ATXN1: variants seen among roughly 807,000 people sequenced by gnomAD.
ATXN1 encodes ataxin 1.
Under a neutral mutation model 56.4 loss-of-function variants are expected in ATXN1, and 8 were observed. The observed-to-expected ratio is 0.14, with a 90% CI of 0.08 to 0.26. ATXN1 has a LOEUF of 0.26. Among genes scored for constraint, ATXN1 ranks in the 10% least tolerant of loss-of-function variants. The probability of loss-of-function intolerance (pLI) is 1.00; values close to 1 mark genes in which losing one functional copy is unlikely to be tolerated. For missense variants in ATXN1, 987 were observed against 1,106.5 expected (o/e 0.89, Z 1.53); for synonymous variants, 514 against 494.6 (o/e 1.04, Z -0.52).
intron 3 of ATXN1, among the ~76,000 whole-genome samples, chr6:16,593,145 A>T (rs146477448): frequency 1.4e-3 from 218 of 152,256 alleles, no homozygotes; most frequent in Non-Finnish European, 2.6e-3. Flanking sequence ...GCATTTTATA[A>T]TACCCTTGGA....
At chr6:16,355,394 C>T (rs1407179590) in intron 6 of ATXN1, among the ~76,000 whole-genome samples, 1 of 152,184 alleles carries the variant, frequency 6.6e-6, no homozygotes, top group Admixed American at 6.5e-5. Context: ...TGACAGGTGA[C>T]TCATCTGCCA....
At chr6:16,545,836 T>C (rs368251767) in intron 4 of ATXN1, among the ~76,000 whole-genome samples, 3 of 152,380 alleles carry the variant, frequency 2.0e-5, no homozygotes, top group African/African-American at 7.2e-5. Flanking sequence ...GTATGTATAA[T>C]TAGCTGAGAT....
intron 3 of ATXN1, among the ~76,000 whole-genome samples, chr6:16,628,881 G>A (rs1394310866): frequency 6.6e-5 from 10 of 152,116 alleles, no homozygotes; most frequent in Admixed American, 6.5e-4. Context: ...GGGCATTTAG[G>A]TTGATTCTGT....
chr6:16,628,119 G>A (rs960460723), intron 3 of ATXN1, among the ~76,000 whole-genome samples: 8 of 152,252 alleles, frequency 5.3e-5, no homozygotes, highest in African/African-American at 1.4e-4. Context: ...TACAGCCTCC[G>A]TACAGATCCA....
At chr6:16,460,738 T>C (rs1759976202) in intron 6 of ATXN1, among the ~76,000 whole-genome samples, 1 of 152,158 alleles carries the variant, frequency 6.6e-6, no homozygotes, top group African/African-American at 2.4e-5. Context: ...TATATACCGA[T>C]GGAAGTTCAT....
chr6:16,350,439 T>G lies in ATXN1; in HGVS notation c.-160-21969A>C, dbSNP rs570510873. On this transcript the variant is annotated intron_variant, in intron 6 of 7. Coordinates refer to ENST00000436367, the MANE Select transcript of ATXN1 (RefSeq NM_001128164.2). ...CCACCCCTCTCAAATCAGCATGCACTCCGGTTCCATATTTCTGCTAACGGT... is the reference window on the plus strand; with the variant it reads ...CCACCCCTCTCAAATCAGCATGCACGCCGGTTCCATATTTCTGCTAACGGT... Among the ~76,000 whole-genome samples, 82 of 152,320 alleles carry G rather than the reference T, an allele frequency of 5.4e-4. 1 individual carries two copies. The highest frequency in any genetic ancestry group is 3.1e-4 in the Non-Finnish European group (21 of 68,026).
chr6:16,661,709 C>T (rs529537344), intron 2 of ATXN1, among the ~76,000 whole-genome samples: 4 of 152,176 alleles, frequency 2.6e-5, no homozygotes, highest in Non-Finnish European at 5.9e-5. Context: ...GCATCCTCTT[C>T]TGGGTTACTC....
At chr6:16,722,958 T>C (rs1179945095) in intron 2 of ATXN1, among the ~76,000 whole-genome samples, 1 of 152,220 alleles carries the variant, frequency 6.6e-6, no homozygotes, top group Non-Finnish European at 1.5e-5. Flanking sequence ...ACAGAAGTAT[T>C]TTCTACCAAA....
chr6:16,700,079 T>C (rs1219200712), intron 2 of ATXN1, among the ~76,000 whole-genome samples: 1 of 152,176 alleles, frequency 6.6e-6, no homozygotes, highest in Non-Finnish European at 1.5e-5. Flanking sequence ...ACTCTCCTTT[T>C]CAGTGACATT....
chr6:16,500,759 A>C (rs1392488082), intron 5 of ATXN1, among the ~76,000 whole-genome samples: 1 of 149,980 alleles, frequency 6.7e-6, no homozygotes, highest in Non-Finnish European at 1.5e-5. Context: ...AAAAAAAAAA[A>C]ACATTGAGGA....
At position 16,730,487 on chromosome 6, in the gene ATXN1, G is replaced by GTATATATATATATA. The variant is rs4052880; in HGVS notation, c.-615+22732_-615+22745dup. Among the ~76,000 whole-genome samples the GTATATATATATATA allele has an allele frequency of 7.6e-5, 10 of 132,056 alleles. No individual in the cohort carries two copies. In the East Asian group the frequency reaches 1.0e-3, roughly 14 times the overall value. 86.6% of individuals were successfully genotyped at this position (132,056 alleles called of 152,430 possible). On this transcript the variant is annotated intron_variant, in intron 2 of 7. Transcript: ENST00000436367. ...CTGGAGTTAAAGGGTAAAACAGTAT[G>GTATATATATATATA]TATATATATATATATATATAAATGT... is the stretch of plus-strand genomic sequence containing the variant.
chr6:16,454,452 G>A (rs1273356019), intron 6 of ATXN1, among the ~76,000 whole-genome samples: 2 of 152,282 alleles, frequency 1.3e-5, no homozygotes, highest in Middle Eastern at 3.4e-3. Context: ...AGCCTCAGGG[G>A]TCAAGGCTGC....
chr6:16,393,687 A>C lies in ATXN1; in HGVS notation c.-160-65217T>G, dbSNP rs1758399862. Among the ~76,000 whole-genome samples, 3 of 152,202 alleles carry C rather than the reference A, an allele frequency of 2.0e-5. No individual in the cohort carries two copies. In the South Asian group the frequency reaches 6.2e-4, roughly 31 times the overall value. On this transcript the variant is annotated intron_variant, in intron 6 of 7. Coordinates refer to ENST00000436367, the MANE Select transcript of ATXN1 (RefSeq NM_001128164.2). ...TTTAAGTCCTGTTCGGAAACACAAA[A>C]TGCACTACTTAGCTTCCATATGTGA...
At position 16,731,454 on chromosome 6, in the gene ATXN1, C is replaced by CTTTCTTTT. The variant is rs1759978073; in HGVS notation, c.-615+21778_-615+21779insAAAAGAAA. 3.7e-5 allele frequency among the ~76,000 whole-genome samples: 3 copies of CTTTCTTTT among 81,756 alleles called. No homozygotes were observed. In the South Asian group the frequency reaches 1.7e-3, roughly 45 times the overall value. The allele number at this position is 81,756 out of a possible 152,430, so 53.6% of individuals were successfully genotyped here. ...ACGAGAGAGGCTTTTTTTTTCTTTT[C>CTTTCTTTT]TTTTTTTTTTTTTTTTTTTTTTTTT... On this transcript the variant is annotated intron_variant, in intron 2 of 7. Transcript: ENST00000436367.
intron 4 of ATXN1, among the ~76,000 whole-genome samples, chr6:16,558,978 T>G (rs1273927213): frequency 6.6e-6 from 1 of 151,806 alleles, no homozygotes; most frequent in African/African-American, 2.4e-5. Flanking sequence ...GCAACGAGGA[T>G]GAATATACAT....
intron 2 of ATXN1, among the ~76,000 whole-genome samples, chr6:16,663,646 TTTTATTTATTTATTTA>T (rs34453220): frequency 0.7 from 104,818 of 150,408 alleles, 37,933 homozygotes; most frequent in African/African-American, 0.89. Context: ...TTTTTTAATT[TTTTATTTATTTATTTA>T]TTTATTTATT....
At position 16,328,256 on chromosome 6, in the gene ATXN1, T is replaced by C; in HGVS notation, c.55A>G (p.Ile19Val). 1 of 1,535,710 alleles carries C rather than the reference T, an allele frequency of 6.5e-7. No individual in the cohort carries two copies. The highest frequency in any genetic ancestry group is 8.7e-7 in the Non-Finnish European group (1 of 1,145,036). ...NECLPPKKREIPATSRSSEEK... is the reference protein window; with the variant it reads ...NECLPPKKREVPATSRSSEEK... ...TCGGAGGACCGGCTGGTGGCGGGGA[T>C]CTCGCGCTTCTTGGGAGGCAGGCAT... Residue 19 changes from isoleucine (I) to valine (V), a missense_variant, in exon 7 of 8, where the codon ATC becomes GTC. Coordinates refer to ENST00000436367, the MANE Select transcript of ATXN1 (RefSeq NM_001128164.2). This position sits in a 1 kb window ranked among gnomAD's most constrained non-coding sequence, Gnocchi z 6.2.
intron 3 of ATXN1, among the ~76,000 whole-genome samples, chr6:16,608,184 G>A (rs901026014): frequency 2.6e-5 from 4 of 152,188 alleles, no homozygotes; most frequent in African/African-American, 9.7e-5. Flanking sequence ...CGACTTGGAT[G>A]TTCTGCCAAG....
intron 2 of ATXN1, among the ~76,000 whole-genome samples, chr6:16,669,641 T>C (rs1272098857): frequency 2.6e-5 from 4 of 151,810 alleles, no homozygotes; most frequent in Non-Finnish European, 5.9e-5. Flanking sequence ...ACTGCTCCTA[T>C]TGCTCTCTGA....
Sources: allele counts gnomAD v4.1 joint callset (sites outside exome capture counted in the v4.1 genomes callset), GRCh38; gene constraint gnomAD v4.1.1; non-coding constraint Gnocchi (gnomAD v3.1); transcripts MANE v1.5; gene names NCBI Gene and HGNC (gene_info 2026-07-23, HGNC 2026-07-21).